The following KPNA6 variants were observed in gnomAD, a reference collection of about 807,000 sequenced individuals.
KPNA6 encodes the protein importin subunit alpha-7.
Under a neutral mutation model 72.0 loss-of-function variants are expected in KPNA6, and 9 were observed. The observed-to-expected ratio is 0.13, with a 90% CI of 0.08 to 0.22. KPNA6 has a LOEUF of 0.22. KPNA6 is among the 10% of genes least tolerant of loss of function. The pLI, the probability that KPNA6 is intolerant of heterozygous loss-of-function variation, is 1.00. For synonymous variants in KPNA6, 219 were observed against 242.1 expected (o/e 0.90, Z 0.89); for missense variants, 374 against 655.7 (o/e 0.57, Z 4.69).
chr1:32,119,028 ATATAT>A (rs1394265021), intron 1 of KPNA6, among the ~76,000 whole-genome samples: 8 of 63,184 alleles, frequency 1.3e-4, no homozygotes, highest in African/African-American at 3.9e-4. Flanking sequence ...ATATATATAT[ATATAT>A]TTTTTTTTTT....
intron 1 of KPNA6, among the ~76,000 whole-genome samples, chr1:32,129,724 A>G (rs1641603814): frequency 6.6e-6 from 1 of 151,756 alleles, no homozygotes; most frequent in Non-Finnish European, 1.5e-5. Context: ...CACAGCCAAT[A>G]TTTTTTATTT....
At chr1:32,130,102 C>T (rs1641610655) in intron 1 of KPNA6, among the ~76,000 whole-genome samples, 1 of 151,880 alleles carries the variant, frequency 6.6e-6, no homozygotes, top group African/African-American at 2.4e-5. Flanking sequence ...AATTATCAGT[C>T]AAATATGAAT....
intron 1 of KPNA6, among the ~76,000 whole-genome samples, chr1:32,147,350 G>A (rs959167678): frequency 3.9e-5 from 6 of 152,016 alleles, no homozygotes; most frequent in Non-Finnish European, 5.9e-5. Flanking sequence ...CTGGAGTGAC[G>A]GTGCAATCAC....
intron 1 of KPNA6, among the ~76,000 whole-genome samples, chr1:32,118,073 C>T (rs926011469): frequency 6.6e-6 from 1 of 152,130 alleles, no homozygotes; most frequent in Non-Finnish European, 1.5e-5. Context: ...CAGGCATGCA[C>T]CACCATGCCC....
intron 4 of KPNA6, among the ~76,000 whole-genome samples, 197 bp downstream of exon 4, chr1:32,157,642 C>T (rs1398817669): frequency 6.6e-6 from 1 of 152,184 alleles, no homozygotes; most frequent in Admixed American, 6.5e-5. Flanking sequence ...TCCCAGATAT[C>T]TTTGTAGCAA....
intron 10 of KPNA6, among the ~76,000 whole-genome samples, chr1:32,165,160 G>A (rs1457171547): frequency 6.6e-6 from 1 of 152,034 alleles, no homozygotes; most frequent in Non-Finnish European, 1.5e-5. Flanking sequence ...TCCCACCTTG[G>A]CTTCTCAAAG....
Position 32,156,880 on chromosome 1 carries a change from A to G in KPNA6, c.166A>G (p.Ile56Val), listed in dbSNP as rs749407936. 1 of 1,614,098 alleles carries G rather than the reference A, an allele frequency of 6.2e-7. No homozygotes were observed. The highest frequency in any genetic ancestry group is 1.1e-5 in the South Asian group (1 of 91,082). ...TTTTAAACGGAGAAATGTGGAGCTG[A>G]TTAATGAAGAAGCTGCCATGTTCGA... The part of the protein sequence containing the change: ...QLFKRRNVEL[I>V]NEEAAMFDSL... The change falls in exon 3 of 14, where the codon ATT becomes GTT. Residue 56 changes from isoleucine (I) to valine (V), a missense_variant. By Grantham distance (29) the Ile-to-Val change is conservative (BLOSUM62 3). Transcript: ENST00000373625.
At chr1:32,169,571 C>G (rs924710231) in intron 12 of KPNA6, among the ~76,000 whole-genome samples, 3 of 150,904 alleles carry the variant, frequency 2.0e-5, no homozygotes, top group African/African-American at 7.3e-5. Flanking sequence ...CTCAGCCTCC[C>G]GAGTAGCTGG....
chr1:32,141,825 A>C (rs1411924893), intron 1 of KPNA6, among the ~76,000 whole-genome samples: 1 of 152,152 alleles, frequency 6.6e-6, no homozygotes, highest in Non-Finnish European at 1.5e-5. Flanking sequence ...GATATCAGAC[A>C]CTGGCAGGAG....
chr1:32,129,956 T>TA (rs200809917), intron 1 of KPNA6, among the ~76,000 whole-genome samples: 14,136 of 152,136 alleles, frequency 0.093, 864 homozygotes, highest in South Asian at 0.25. Flanking sequence ...CTGGAAACAT[T>TA]GGCTGTCATG....
intron 1 of KPNA6, among the ~76,000 whole-genome samples, chr1:32,145,387 C>T (rs572020395): frequency 2.0e-5 from 3 of 151,360 alleles, no homozygotes; most frequent in East Asian, 1.9e-4. Context: ...TGCAGCAGCA[C>T]GATCTCAGCT....
chr1:32,150,125 G>GTTTTT (rs1295389961), intron 1 of KPNA6, among the ~76,000 whole-genome samples: 2 of 119,608 alleles, frequency 1.7e-5, no homozygotes, highest in Admixed American at 8.6e-5. Flanking sequence ...AAAATTTTTA[G>GTTTTT]TCTTTTTTTT....
In KPNA6 at chr1:32,173,427, A is replaced by C. The variant is rs1237616215; in HGVS notation, c.*2533A>C. On this transcript the variant is annotated 3_prime_UTR_variant, in exon 14 of 14. Transcript: ENST00000373625. ...GGTGATCTGGCTGCTGCTTAAAGCC[A>C]GTTTTCCCTAAGAACTCCAAAGGCT... The C allele has an allele frequency of 1.2e-5, 3 of 250,396 alleles. No individual in the cohort carries two copies. The highest frequency in any genetic ancestry group is 2.3e-5 in the Non-Finnish European group (3 of 132,914). The allele number at this position is 250,396 out of a possible 1,614,324, so 15.5% of individuals were successfully genotyped here. A position where few individuals can be genotyped will look rare whatever the true frequency, so the allele number is the denominator to read the frequency against.
chr1:32,161,982 G>A lies in KPNA6; in HGVS notation c.683G>A (p.Arg228Gln). 6.2e-7 allele frequency: 1 copy of A among 1,614,080 alleles called. No individual in the cohort carries two copies. The highest frequency in any genetic ancestry group is 8.5e-7 in the Non-Finnish European group (1 of 1,180,006). Residue 228 changes from arginine (R) to glutamine (Q), a missense_variant, in exon 8 of 14, where the codon CGG (arginine) becomes CAG (glutamine). Arg to Gln is a conservative substitution (Grantham distance 43). Around this residue, in one of 3 missense-constraint regions of KPNA6, gnomAD observed 298 missense variants for 495.4 expected, o/e 0.60. Transcript: ENST00000373625. ...LTKSTRLTMTRNAVWALSNLC... is the reference protein window; with the variant it reads ...LTKSTRLTMTQNAVWALSNLC... ...AAGTCCACACGACTGACGATGACAC[G>A]GAATGCAGTCTGGGCCCTGTCAAAT...
intron 2 of KPNA6, among the ~76,000 whole-genome samples, chr1:32,156,492 C>G (rs1012115270): frequency 3.9e-5 from 6 of 152,130 alleles, no homozygotes; most frequent in African/African-American, 1.4e-4. Flanking sequence ...TATTAAGTGA[C>G]TAACTGGCAG....
chr1:32,120,870 T>C (rs1026319833), intron 1 of KPNA6, among the ~76,000 whole-genome samples: 1 of 144,234 alleles, frequency 6.9e-6, no homozygotes, highest in Non-Finnish European at 1.5e-5. Flanking sequence ...CGGAGTTCCT[T>C]CTTTTTTTTT....
chr1:32,119,032 A>ATTTTTTTT lies in KPNA6; in HGVS notation c.4+10908_4+10915dup, dbSNP rs71006332. 4.7e-4 allele frequency among the ~76,000 whole-genome samples: 19 copies of ATTTTTTTT among 40,276 alleles called. 1 individual carries two copies. The highest frequency in any genetic ancestry group is 1.6e-3 in the Admixed American group (3 of 1,862). The allele number at this position is 40,276 out of a possible 152,430, so 26.4% of individuals were successfully genotyped here. A position where few individuals can be genotyped will look rare whatever the true frequency, so the allele number is the denominator to read the frequency against. On this transcript the variant is annotated intron_variant, in intron 1 of 13. Transcript: ENST00000373625. ...TATATATATATATATATATATATAT[A>ATTTTTTTT]TTTTTTTTTTTTTTTTTGAGAGAGA...
At chr1:32,112,434 C>G (rs1406822528) in intron 1 of KPNA6, among the ~76,000 whole-genome samples, 1 of 152,118 alleles carries the variant, frequency 6.6e-6, no homozygotes, top group Non-Finnish European at 1.5e-5. Flanking sequence ...TATCTTTATA[C>G]TATACTGTAG....
At chr1:32,108,983 T>A (rs1260251152) in intron 1 of KPNA6, among the ~76,000 whole-genome samples, 1 of 152,252 alleles carries the variant, frequency 6.6e-6, no homozygotes, top group Non-Finnish European at 1.5e-5. Context: ...AAGCTCTTTC[T>A]ACGTACGGGC....
Sources: allele counts gnomAD v4.1 joint callset (sites outside exome capture counted in the v4.1 genomes callset), GRCh38; gene constraint gnomAD v4.1.1; regional missense constraint gnomAD v4.1.1; transcripts MANE v1.5; gene names NCBI Gene and HGNC (gene_info 2026-07-23, HGNC 2026-07-21).